SFXN3: variants seen among roughly 807,000 people sequenced by gnomAD.
The protein encoded by SFXN3 is sideroflexin-3.
A neutral mutation model predicts 40.4 loss-of-function variants in SFXN3; 31 were observed. That is an observed-to-expected ratio of 0.77 (90% CI 0.58 to 1.04). The LOEUF (loss-of-function observed/expected upper bound fraction) is 1.04, where lower values mean the gene tolerates loss of function less well. SFXN3 is among the 50% of genes least tolerant of loss of function. SFXN3 has a pLI of 0.00. For synonymous variants in SFXN3, 157 were observed against 160.0 expected, an observed-to-expected ratio of 0.98 and a Z score of 0.14; for missense variants, 366 against 408.2, an observed-to-expected ratio of 0.90 and a Z score of 0.89.
exon 8 of SFXN3, chr10:101,037,133 G>A (rs757932880): frequency 5.0e-6 from 8 of 1,613,728 alleles, no homozygotes; most frequent in Non-Finnish European, 5.9e-6. Flanking sequence ...TTGGCTACTC[G>A]GTGACTGCAG....
Position 101,039,210 on chromosome 10 carries a change from TC to T in SFXN3, c.862del (p.Gln288ArgfsTer7). The T allele has an allele frequency of 1.2e-6, 2 of 1,605,520 alleles. No homozygotes were observed. Among genetic ancestry groups the T allele is most frequent in the Non-Finnish European group, 1.7e-6 (2 of 1,175,902 alleles). On this transcript the variant is annotated frameshift_variant, in exon 11 of 12. Transcript: ENST00000393459. LOFTEE classifies it high-confidence loss of function. This position sits in a 1 kb window ranked among gnomAD's most constrained non-coding sequence, Gnocchi z 4.6. ...GCAACCCCCCTGTGCTGTGCCCTAT[TC>T]CCCCAGAAGAGGTAAGTGCTGTCCC...
chr10:101,036,471 C>T lies in SFXN3; in HGVS notation c.432-15C>T. 1 of 1,614,018 alleles carries T rather than the reference C, an allele frequency of 6.2e-7. No homozygotes were observed. Among genetic ancestry groups the T allele is most frequent in the Non-Finnish European group, 8.5e-7 (1 of 1,179,920 alleles). The stretch of plus-strand genomic sequence containing the variant: ...CTTGTCACCTCTCCCCGTGACCTGG[C>T]TTTTCCACCCACAGGCAGCTGGGGA... On this transcript the variant is annotated splice_polypyrimidine_tract_variant and intron_variant, in intron 5 of 11. Coordinates refer to ENST00000393459, the Ensembl canonical transcript of SFXN3. This position sits in a 1 kb window ranked among gnomAD's most constrained non-coding sequence, Gnocchi z 4.2.
Position 101,039,835 on chromosome 10 carries a change from A to G in SFXN3, c.*250A>G. 1 of 541,528 alleles carries G rather than the reference A, an allele frequency of 1.8e-6. No individual in the cohort carries two copies. Among genetic ancestry groups the G allele is most frequent in the Non-Finnish European group, 3.3e-6 (1 of 299,676 alleles). The allele number at this position is 541,528 out of a possible 1,614,324, so 33.5% of individuals were successfully genotyped here. ...GTGTCCATGCATATACATACATGATACACATGTGTATGTGTACATTGGGTC... is the reference window on the plus strand; with the variant it reads ...GTGTCCATGCATATACATACATGATGCACATGTGTATGTGTACATTGGGTC... On this transcript the variant is annotated 3_prime_UTR_variant, in exon 12 of 12. Coordinates refer to ENST00000393459, the Ensembl canonical transcript of SFXN3. This position sits in a 1 kb window ranked among gnomAD's most constrained non-coding sequence, Gnocchi z 4.6.
intron 9 of SFXN3, chr10:101,037,934 C>A: frequency 1.2e-6 from 1 of 818,052 alleles, no homozygotes; most frequent in Non-Finnish European, 1.5e-6. Context: ...TGGCCCCTGT[C>A]CTCATGAAGT....
At chr10:101,037,470 G>C in intron 9 of SFXN3, 39 bp downstream of exon 9, 1 of 1,614,158 alleles carries the variant, frequency 6.2e-7, no homozygotes, top group Non-Finnish European at 8.5e-7. Context: ...AATGGGCGAT[G>C]GCTGGGAGAA....
rs73331806 is a variant in SFXN3, at chr10:101,038,155, T to C, written c.772-488T>C. On this transcript the variant is annotated intron_variant, in intron 9 of 11. Coordinates refer to ENST00000393459, the Ensembl canonical transcript of SFXN3. ...ATAACGCAGAGAAGAGTGTTTGGGG[T>C]ACAGAAAACAGTCAGTGCAAGGGCA... 2,198 of 459,120 alleles carry C rather than the reference T, an allele frequency of 4.8e-3. 48 individuals are homozygous for C. Among genetic ancestry groups the C allele is most frequent in the African/African-American group, 0.043 (2,057 of 48,336 alleles). The allele number at this position is 459,120 out of a possible 1,614,324, so 28.4% of individuals were successfully genotyped here.
intron 2 of SFXN3, 99 bp from the exon 3 acceptor site, chr10:101,034,593 G>T (rs1430081167): frequency 6.1e-6 from 8 of 1,308,942 alleles, no homozygotes; most frequent in African/African-American, 3.0e-5. Flanking sequence ...AGGGACTGAT[G>T]ATAAGCTCAG....
rs1212870969 is a variant in SFXN3 at position 101,035,351 on chromosome 10, C to T, written c.162-146C>T. The T allele has an allele frequency of 9.8e-6, 9 of 916,266 alleles. No homozygotes were observed. The East Asian group carries it at 2.3e-4, about 24-fold the overall frequency. The allele number at this position is 916,266 out of a possible 1,614,324, so 56.8% of individuals were successfully genotyped here. ...CTTCTGGGAAACTTTGGCCCTCTCC[C>T]AAAGATAAGGAGCTTCCTTATGCTG... On this transcript the variant is annotated intron_variant, in intron 3 of 11. Coordinates refer to ENST00000393459, the Ensembl canonical transcript of SFXN3.
In SFXN3 at chr10:101,037,209, G is replaced by T; in HGVS notation, c.721+6G>T. On this transcript the variant is annotated splice_donor_region_variant and intron_variant, in intron 8 of 11. Coordinates refer to ENST00000393459, the Ensembl canonical transcript of SFXN3. ...CATGGCGATTCCTGCCATGGGTAAG[G>T]CGGGAGTGGCTGGGTGGGGCATAGG... 6.2e-7 allele frequency: 1 copy of T among 1,613,962 alleles called. No individual in the cohort carries two copies. The highest frequency in any genetic ancestry group is 8.5e-7 in the Non-Finnish European group (1 of 1,180,036).
chr10:101,034,834 G>A (rs902487764), exon 3 of SFXN3: 12 of 1,613,924 alleles, frequency 7.4e-6, no homozygotes, highest in African/African-American at 1.3e-5. Context: ...GAAGCTTCTC[G>A]GAACATCGTG....
At position 101,039,324 on chromosome 10, in the gene SFXN3, C is replaced by A; in HGVS notation, c.869+102C>A. The stretch of plus-strand genomic sequence containing the variant: ...CCAGGGTGTTCAGGAGGAGGCCTGG[C>A]AGGCACTCCACTGATTCTGGGAGTG... On this transcript the variant is annotated intron_variant, in intron 11 of 11. Coordinates refer to ENST00000393459, the Ensembl canonical transcript of SFXN3. The surrounding 1 kb of genome is among the most constrained non-coding windows in gnomAD (Gnocchi z 4.6). 3 of 1,238,244 alleles carry A rather than the reference C, an allele frequency of 2.4e-6. No individual in the cohort carries two copies. Among genetic ancestry groups the A allele is most frequent in the African/African-American group, 1.5e-5 (1 of 67,452 alleles). The allele number at this position is 1,238,244 out of a possible 1,614,324, so 76.7% of individuals were successfully genotyped here. A position where few individuals can be genotyped will look rare whatever the true frequency, so the allele number is the denominator to read the frequency against.
In SFXN3 at chr10:101,037,204, G is replaced by T. The variant is rs772463217; in HGVS notation, c.721+1G>T. Reference sequence around the variant, plus strand: ...ATCTGCATGGCGATTCCTGCCATGGGTAAGGCGGGAGTGGCTGGGTGGGGC... The same window carrying T: ...ATCTGCATGGCGATTCCTGCCATGGTTAAGGCGGGAGTGGCTGGGTGGGGC... On this transcript the variant is annotated splice_donor_variant, in intron 8 of 11. Coordinates refer to ENST00000393459, the Ensembl canonical transcript of SFXN3. LOFTEE classifies it high-confidence loss of function. 4.3e-6 allele frequency: 7 copies of T among 1,613,856 alleles called. No individual in the cohort carries two copies. The Admixed American group carries it at 8.3e-5, about 19-fold the overall frequency.
intron 9 of SFXN3, chr10:101,037,754 T>C (rs1938692362): frequency 7.7e-7 from 1 of 1,290,330 alleles, no homozygotes; most frequent in Non-Finnish European, 9.9e-7. Context: ...GCCTCCATAC[T>C]GAGAGGTACA....
In SFXN3 at chr10:101,036,781, G is replaced by A; in HGVS notation, c.566G>A (p.Cys189Tyr). The stretch of plus-strand genomic sequence containing the variant: ...TTTGCAGCAGTGGCAGCTGCCAACT[G>A]CATCAACATCCCCCTGATGAGGCAG... The change falls in exon 7 of 12, where the codon TGC (cysteine) becomes TAC (tyrosine). Residue 189 changes from cysteine (C) to tyrosine (Y), a missense_variant. Coordinates refer to ENST00000393459, the Ensembl canonical transcript of SFXN3. The surrounding 1 kb of genome is among the most constrained non-coding windows in gnomAD (Gnocchi z 4.2). 4 of 1,613,820 alleles carry A rather than the reference G, an allele frequency of 2.5e-6. No individual in the cohort carries two copies. Among genetic ancestry groups the A allele is most frequent in the Non-Finnish European group, 3.4e-6 (4 of 1,179,722 alleles).
chr10:101,037,470 G>A, intron 9 of SFXN3, 39 bp downstream of exon 9: 2 of 1,614,158 alleles, frequency 1.2e-6, no homozygotes, highest in Middle Eastern at 3.3e-4. Flanking sequence ...AATGGGCGAT[G>A]GCTGGGAGAA....
Position 101,036,546 on chromosome 10 carries a change from C to G in SFXN3, c.492C>G (p.Leu164=). Residue 164 remains leucine (L), a synonymous_variant, in exon 6 of 12, where the codon CTC becomes CTG. Coordinates refer to ENST00000393459, the Ensembl canonical transcript of SFXN3. The surrounding 1 kb of genome is among the most constrained non-coding windows in gnomAD (Gnocchi z 4.2). ...GAGCTGTGGCCACGGCCCTGGGACT[C>G]AAATCCCTCACCAAGGTAAAGGCCC... 6.2e-7 allele frequency: 1 copy of G among 1,614,134 alleles called. No individual in the cohort carries two copies. Among genetic ancestry groups the G allele is most frequent in the Non-Finnish European group, 8.5e-7 (1 of 1,179,990 alleles).
rs1292057738 is a variant in SFXN3 at position 101,039,423 on chromosome 10, C to T, written c.870-66C>T. ...TTCAGCCTGGGAGGAGGTGGGATGG[C>T]AATCCCTGGGCCTGAGTGGGGTTGG... On this transcript the variant is annotated intron_variant, in intron 11 of 11. Transcript: ENST00000393459. The surrounding 1 kb of genome is among the most constrained non-coding windows in gnomAD (Gnocchi z 4.6). 1 of 1,463,854 alleles carries T rather than the reference C, an allele frequency of 6.8e-7. No homozygotes were observed. Among genetic ancestry groups the T allele is most frequent in the Non-Finnish European group, 9.6e-7 (1 of 1,044,520 alleles). 90.7% of individuals were successfully genotyped at this position (1,463,854 alleles called of 1,614,324 possible).
At chr10:101,032,586 T>G in intron 2 of SFXN3, 104 bp downstream of exon 2, 38 of 1,305,542 alleles carry the variant, frequency 2.9e-5, no homozygotes, top group Non-Finnish European at 3.8e-5. Flanking sequence ...TCCTCGGCTC[T>G]GTGGAGGTCC....
chr10:101,034,966 C>T, intron 3 of SFXN3, 111 bp downstream of exon 3: 2 of 1,360,168 alleles, frequency 1.5e-6, no homozygotes, highest in South Asian at 1.4e-5. Context: ...TCCCTCAATC[C>T]CCTCACTCTC....
Sources: allele counts gnomAD v4.1 joint callset, GRCh38; gene constraint gnomAD v4.1.1; non-coding constraint Gnocchi (gnomAD v3.1); transcripts MANE v1.5; gene names NCBI Gene and HGNC (gene_info 2026-07-23, HGNC 2026-07-21).